Variants in TTN observed in about 807,000 individuals in gnomAD.
TTN encodes connectin.
In TTN, 1,525 loss-of-function variants were observed where a neutral mutation model predicts 3,223.0. The observed-to-expected ratio is 0.47, with a 90% CI of 0.45 to 0.49. The LOEUF is 0.49. TTN is among the 20% of genes least tolerant of loss of function. The pLI is 0.00. For synonymous variants in TTN, 14,094 were observed against 15,161.0 expected, an observed-to-expected ratio of 0.93 and a Z score of 5.17; for missense variants, 40,786 against 43,424.0, an observed-to-expected ratio of 0.94 and a Z score of 5.40.
At chr2:178,660,624 A>G (rs1408535091) in intron 180 of TTN, among the ~76,000 whole-genome samples, 1 of 150,772 alleles carries the variant, frequency 6.6e-6, no homozygotes, top group Non-Finnish European at 1.5e-5. Context: ...ATGGGCAAGG[A>G]CTTCATGTCT....
intron 240 of TTN, among the ~76,000 whole-genome samples, chr2:178,627,032 A>G (rs945720573): frequency 1.5e-4 from 23 of 151,990 alleles, no homozygotes; most frequent in African/African-American, 5.5e-4. Flanking sequence ...AAGATTTTGC[A>G]GTAGATTGTA....
rs762173832 is a variant in TTN, at chr2:178,597,969, G to C, written c.57201C>G (p.Asn19067Lys). ...CTCCAGGTTCTCCAATGCCAGCAAT[G>C]TTGACTGCTCTAACTCTAAATTTGT... ...AFYKFRVRAV[N>K]IAGIGEPGEV... is the part of the protein sequence containing the mutation. The change falls in exon 293 of 363, where the codon AAC becomes AAG. Residue 19067 changes from asparagine to lysine, a missense_variant. Asn to Lys is a moderately conservative substitution (Grantham distance 94). Transcript: ENST00000589042. The C allele has an allele frequency of 6.8e-6, 11 of 1,613,220 alleles. No individual in the cohort carries two copies. In the East Asian group the frequency reaches 2.5e-4, roughly 36 times the overall value.
chr2:178,617,915 T>A lies in TTN; in HGVS notation c.47436A>T (p.Arg15812Ser), dbSNP rs794729442. ...TAACAGTTGCAGACAGGTCTTCAGC[T>A]CTCACAGTCATGGCAGTATCCCACC... The part of the protein sequence containing the change: ...SIRWDTAMTV[R>S]AEDLSATVTD... The change falls in exon 253 of 363, where the codon AGA becomes AGT. Residue 15812 changes from arginine (R) to serine (S), a missense_variant. Transcript: ENST00000589042. 1 of 1,612,700 alleles carries A rather than the reference T, an allele frequency of 6.2e-7. No individual in the cohort carries two copies. The highest frequency in any genetic ancestry group is 1.3e-5 in the African/African-American group (1 of 74,924).
intron 236 of TTN, 69 bp from the exon 237 acceptor site, chr2:178,631,369 T>G (rs2059778353): frequency 6.1e-6 from 9 of 1,475,926 alleles, no homozygotes; most frequent in Non-Finnish European, 7.2e-6. Flanking sequence ...CTTGGAAAGT[T>G]TAAGACACAA....
At chr2:178,763,703 G>A (rs1356778952) in intron 43 of TTN, among the ~76,000 whole-genome samples, 4 of 152,102 alleles carry the variant, frequency 2.6e-5, no homozygotes, top group East Asian at 1.9e-4. Context: ...ATGAAGCCCC[G>A]ACTTTTGACC....
intron 89 of TTN, 108 bp downstream of exon 89, chr2:178,715,385 G>A: frequency 6.6e-7 from 1 of 1,513,460 alleles, no homozygotes; most frequent in South Asian, 1.4e-5. Context: ...ATTCTTTGTT[G>A]TGTCCTTTCC....
chr2:178,614,731 A>G lies in TTN; in HGVS notation c.48783T>C (p.Asp16261=), dbSNP rs574915586. ...CAGTGAGACCAGCAAGGAGCTTCAC[A>G]TCGAGGAAGATTTCTGGGGCCTCTG... ...DTQEAPEIFL[D]VKLLAGLTVK... is the part of the protein sequence containing the mutation. Residue 16261 remains aspartate (D), a synonymous_variant, in exon 261 of 363, where the codon GAT becomes GAC. Coordinates refer to ENST00000589042, the MANE Select transcript of TTN (RefSeq NM_001267550.2). 15 of 1,608,560 alleles carry G rather than the reference A, an allele frequency of 9.3e-6. No homozygotes were observed. The highest frequency in any genetic ancestry group is 1.3e-5 in the Non-Finnish European group (15 of 1,177,312).
At position 178,650,225 on chromosome 2, in the gene TTN, AG is replaced by A. The variant is rs2062712382; in HGVS notation, c.39755del (p.Pro13252LeufsTer58). The A allele has an allele frequency of 1.9e-6, 3 of 1,557,452 alleles. No individual in the cohort carries two copies. In the African/African-American group the frequency reaches 4.6e-5, roughly 24 times the overall value. On this transcript the variant is annotated frameshift_variant, in exon 210 of 363. Coordinates refer to ENST00000589042, the MANE Select transcript of TTN (RefSeq NM_001267550.2). LOFTEE classifies it high-confidence loss of function. ...EEIAPEEEIA[P>X]EEEKPVPVAE... Reference sequence around the variant, plus strand: ...CAACAGGAACTGGCTTTTCCTCTTCAGGAGCAATTTCCTCTTCAGGAGCAAT... The same window carrying A: ...CAACAGGAACTGGCTTTTCCTCTTCAGAGCAATTTCCTCTTCAGGAGCAAT...
At chr2:178,691,526 G>C (rs1027879273) in intron 121 of TTN, among the ~76,000 whole-genome samples, 1 of 152,172 alleles carries the variant, frequency 6.6e-6, no homozygotes, top group African/African-American at 2.4e-5. Flanking sequence ...CACTATTGAA[G>C]ACTCGCCACT....
Position 178,580,469 on chromosome 2 carries a change from C to T in TTN, c.66910G>A (p.Asp22304Asn). The T allele has an allele frequency of 6.2e-7, 1 of 1,613,104 alleles. No homozygotes were observed. The highest frequency in any genetic ancestry group is 8.5e-7 in the Non-Finnish European group (1 of 1,179,418). The change falls in exon 317 of 363, where the codon GAC becomes AAC. Residue 22304 changes from aspartate (D) to asparagine (N), a missense_variant. By Grantham distance (23) the Asp-to-Asn change is conservative. Coordinates refer to ENST00000589042, the MANE Select transcript of TTN (RefSeq NM_001267550.2). Reference protein sequence around the residue: ...TWSKPNVNLRDRIGLDIKSTD... With the variant: ...TWSKPNVNLRNRIGLDIKSTD... ...GACTTTATGTCCAGTCCAATCCTGT[C>T]TCTTAGATTGACATTTGGTTTAGAC...
In TTN at chr2:178,799,595, G is replaced by C. The variant is rs751106787; in HGVS notation, c.806C>G (p.Pro269Arg). Residue 269 changes from proline (P) to arginine (R), a missense_variant, in exon 6 of 363, where the codon CCG becomes CGG. By Grantham distance (103) the Pro-to-Arg change is moderately radical (BLOSUM62 -2). Coordinates refer to ENST00000589042, the MANE Select transcript of TTN (RefSeq NM_001267550.2). The part of the protein sequence containing the change: ...PKPKSRSPTP[P>R]SIAAKAQLAR... ...CAGCTGTGCTTTGGCAGCAATAGACGGTGGTGTTGGGGATCTTGACTTTGG... is the reference window on the plus strand; with the variant it reads ...CAGCTGTGCTTTGGCAGCAATAGACCGTGGTGTTGGGGATCTTGACTTTGG... 1.2e-6 allele frequency: 2 copies of C among 1,614,034 alleles called. No homozygotes were observed. Among genetic ancestry groups the C allele is most frequent in the Non-Finnish European group, 1.7e-6 (2 of 1,180,024 alleles).
rs1064793419 is a variant in TTN, at chr2:178,542,739, C to CT, written c.97114dup (p.Arg32372LysfsTer9). 1.9e-6 allele frequency: 3 copies of CT among 1,613,630 alleles called. No homozygotes were observed. Among genetic ancestry groups the CT allele is most frequent in the Non-Finnish European group, 2.5e-6 (3 of 1,179,614 alleles). ...TTCAAGTGTGTATTCTCCAGTATCT[C>CT]TGATAGTGGTTTCACGGATGGTTAA... On this transcript the variant is annotated frameshift_variant, in exon 348 of 363. Transcript: ENST00000589042. LOFTEE classifies it high-confidence loss of function.
intron 240 of TTN, among the ~76,000 whole-genome samples, chr2:178,627,225 C>T (rs1481508486): frequency 6.6e-6 from 1 of 151,848 alleles, no homozygotes; most frequent in Non-Finnish European, 1.5e-5. Context: ...CTTTCTTAAA[C>T]TGACAGCCAA....
intron 353 of TTN, 25 bp from the exon 354 acceptor site, chr2:178,538,864 A>G: frequency 6.3e-7 from 1 of 1,585,458 alleles, no homozygotes; most frequent in Non-Finnish European, 8.6e-7. Context: ...AATAATGAAA[A>G]GGGAGTCAGC....
At chr2:178,746,749 A>C in intron 47 of TTN, 1 of 1,613,396 alleles carries the variant, frequency 6.2e-7, no homozygotes, top group Non-Finnish European at 8.5e-7. Flanking sequence ...ATTTATTTCG[A>C]TACCATTTCA....
intron 22 of TTN, 28 bp downstream of exon 22, chr2:178,779,968 ATTGT>A (rs748088788): frequency 1.2e-5 from 19 of 1,595,034 alleles, no homozygotes; most frequent in African/African-American, 5.4e-5. Flanking sequence ...AATTTATGAA[ATTGT>A]TTGGTTGGTC....
intron 304 of TTN, 136 bp downstream of exon 304, chr2:178,588,402 G>T (rs1483329009): frequency 4.6e-5 from 56 of 1,219,554 alleles, no homozygotes; most frequent in Non-Finnish European, 5.8e-5. Context: ...TTTGGTAAAA[G>T]GTCTATTTGG....
intron 236 of TTN, 109 bp downstream of exon 236, chr2:178,632,038 G>A: frequency 3.4e-6 from 4 of 1,180,814 alleles, no homozygotes; most frequent in Middle Eastern, 3.0e-4. Flanking sequence ...TTAAGGAGTT[G>A]GGCTGCTTTC....
chr2:178,708,879 A>G (rs1288662262), intron 99 of TTN, among the ~76,000 whole-genome samples: 3 of 152,158 alleles, frequency 2.0e-5, no homozygotes, highest in Non-Finnish European at 4.4e-5. Context: ...TTTTAATGTG[A>G]TTTTGATGAA....
Sources: gnomAD v4.1 joint callset for allele counts (sites outside exome capture counted in the v4.1 genomes callset) on GRCh38, gnomAD v4.1.1 for gene constraint, MANE v1.5 for transcripts, NCBI Gene and HGNC (gene_info 2026-07-23, HGNC 2026-07-21) for gene names.